The following FUT8 variants were observed in gnomAD, a reference collection of about 807,000 sequenced individuals.
FUT8 encodes fucosyltransferase 8, also known as alpha-(1,6)-fucosyltransferase.
Under a neutral mutation model 71.3 loss-of-function variants are expected in FUT8, and 29 were observed. The ratio of observed to expected loss-of-function variants is 0.41; its 90% CI spans 0.30 to 0.55. The LOEUF (loss-of-function observed/expected upper bound fraction) is 0.55. Ranked by LOEUF, FUT8 falls within the 20% of genes least tolerant of loss-of-function variation. The pLI, the probability that FUT8 is intolerant of heterozygous loss-of-function variation, is 0.34. For missense variants in FUT8, 544 were observed against 702.1 expected, an observed-to-expected ratio of 0.77 and a Z score of 2.55; for synonymous variants, 254 against 239.3, an observed-to-expected ratio of 1.06 and a Z score of -0.57.
At chr14:65,724,554 C>T (rs187552159) in intron 9 of FUT8, among the ~76,000 whole-genome samples, 90 of 152,270 alleles carry the variant, frequency 5.9e-4, no homozygotes, top group Admixed American at 3.3e-3. Flanking sequence ...CACTGACTTA[C>T]GCATTGTCAC....
rs2066163721 is a variant in FUT8, at chr14:65,472,539, G to T, written c.-228+16821G>T. 4.0e-5 allele frequency among the ~76,000 whole-genome samples: 6 copies of T among 150,878 alleles called. No individual in the cohort carries two copies. Among genetic ancestry groups the T allele is most frequent in the Admixed American group, 4.0e-4 (6 of 15,140 alleles). On this transcript the variant is annotated intron_variant, in intron 2 of 10. Coordinates refer to ENST00000673929, the MANE Select transcript of FUT8 (RefSeq NM_001371533.1). This position sits in a 1 kb window ranked among gnomAD's most constrained non-coding sequence, Gnocchi z 4.4. ...TTGTTTTCTATGTTGATGGCCAAAG[G>T]TTTATTTTTATATTCTTATACTGTA...
intron 7 of FUT8, among the ~76,000 whole-genome samples, chr14:65,681,872 T>TA (rs1221699228): frequency 2.0e-5 from 3 of 152,182 alleles, no homozygotes; most frequent in Admixed American, 6.5e-5. Context: ...CAGCCGCTGA[T>TA]ACAGAAACCC....
At chr14:65,421,942 T>C (rs2065303705) in intron 1 of FUT8, among the ~76,000 whole-genome samples, 1 of 152,104 alleles carries the variant, frequency 6.6e-6, no homozygotes, top group Non-Finnish European at 1.5e-5. Flanking sequence ...TTCCAGACTT[T>C]CAGGATGGTT....
chr14:65,372,761 T>C, the FUT8 span, among the ~76,000 whole-genome samples: 21 of 152,302 alleles, frequency 1.4e-4, no homozygotes, highest in Non-Finnish European at 2.6e-4. Flanking sequence ...CATGGAGCAA[T>C]TTTTCTCTTA....
chr14:65,453,539 T>C (rs989842006), intron 1 of FUT8, among the ~76,000 whole-genome samples: 1 of 152,172 alleles, frequency 6.6e-6, no homozygotes, highest in Non-Finnish European at 1.5e-5. Flanking sequence ...TCATGGCTTG[T>C]TTTTAAGCTC....
At chr14:65,735,785 T>G (rs1896188982) in intron 10 of FUT8, among the ~76,000 whole-genome samples, 1 of 152,198 alleles carries the variant, frequency 6.6e-6, no homozygotes, top group Non-Finnish European at 1.5e-5. Context: ...ATCTTTGAGC[T>G]TACTTGCACC....
chr14:65,480,909 C>T (rs985260093), intron 2 of FUT8, among the ~76,000 whole-genome samples: 5 of 151,944 alleles, frequency 3.3e-5, no homozygotes, highest in Admixed American at 6.6e-5. Context: ...AGGCTGGTCT[C>T]GAACTGCTAA....
chr14:65,588,432 C>T lies in FUT8; in HGVS notation c.203+26666C>T, dbSNP rs56401246. On this transcript the variant is annotated intron_variant, in intron 3 of 10. Transcript: ENST00000673929. Reference sequence around the variant, plus strand: ...GGTCTAAACTCTCATACCAAATTATCGCTGTTATTACATGTGCTGCAATTT... The same window carrying T: ...GGTCTAAACTCTCATACCAAATTATTGCTGTTATTACATGTGCTGCAATTT... Among the ~76,000 whole-genome samples, 830 of 152,282 alleles carry T rather than the reference C, an allele frequency of 5.5e-3. 5 individuals carry two copies. The highest frequency in any genetic ancestry group is 0.019 in the African/African-American group (786 of 41,552).
the FUT8 span, among the ~76,000 whole-genome samples, chr14:65,375,036 A>G: frequency 6.6e-6 from 1 of 152,174 alleles, no homozygotes; most frequent in Non-Finnish European, 1.5e-5. Flanking sequence ...GGCTTATAAA[A>G]GTTCTTGAGT....
intron 1 of FUT8, among the ~76,000 whole-genome samples, chr14:65,433,309 G>A (rs2065504469): frequency 6.6e-6 from 1 of 152,098 alleles, no homozygotes; most frequent in African/African-American, 2.4e-5. Flanking sequence ...AGGTGGCAGA[G>A]GAAGTTCTAG....
chr14:65,383,265 CTTTTTTTTTTTTTTTTT>C, the FUT8 span, among the ~76,000 whole-genome samples: 12 of 86,516 alleles, frequency 1.4e-4, no homozygotes, highest in African/African-American at 4.1e-4. Context: ...TTTTTCTTTT[CTTTTTTTTTTTTTTTTT>C]TTTTTTTTTT....
At chr14:65,426,094 G>A (rs980591851) in intron 1 of FUT8, among the ~76,000 whole-genome samples, 3 of 151,928 alleles carry the variant, frequency 2.0e-5, no homozygotes. Context: ...ATAACCCTTT[G>A]GCCAACATCT....
At chr14:65,597,894 C>T (rs1331530125) in intron 3 of FUT8, among the ~76,000 whole-genome samples, 1 of 151,202 alleles carries the variant, frequency 6.6e-6, no homozygotes, top group Non-Finnish European at 1.5e-5. Flanking sequence ...GTTGGCCAGG[C>T]GTGGTGGCTC....
At chr14:65,386,243 C>T in the FUT8 span, among the ~76,000 whole-genome samples, 1,877 of 151,702 alleles carry the variant, frequency 0.012, 16 homozygotes, top group South Asian at 0.024. Context: ...GGAAGTGGAA[C>T]TTGCAGTGAG....
rs1383234728 is a variant in FUT8 at position 65,425,753 on chromosome 14, G to A, written c.-326+12539G>A. Among the ~76,000 whole-genome samples, 9 of 152,034 alleles carry A rather than the reference G, an allele frequency of 5.9e-5. No individual in the cohort carries two copies. The South Asian group carries it at 1.7e-3, about 28-fold the overall frequency. The stretch of plus-strand genomic sequence containing the variant: ...AACACTTTGGGAGGTTGAGGCAGGC[G>A]GATCATGAGGTCAGGAGTTTGAGAC... On this transcript the variant is annotated intron_variant, in intron 1 of 10. Coordinates refer to ENST00000673929, the MANE Select transcript of FUT8 (RefSeq NM_001371533.1).
intron 2 of FUT8, among the ~76,000 whole-genome samples, chr14:65,523,209 G>A (rs1240666986): frequency 3.4e-4 from 52 of 152,044 alleles, no homozygotes; most frequent in African/African-American, 1.0e-3. Context: ...AAGTGTTCCT[G>A]TTTCTCCACA....
intron 1 of FUT8, among the ~76,000 whole-genome samples, chr14:65,428,182 TCTTAA>T (rs1252791486): frequency 6.6e-6 from 1 of 152,320 alleles, no homozygotes; most frequent in African/African-American, 2.4e-5. Context: ...ACTGACCTTT[TCTTAA>T]AAGGTACATT....
intron 7 of FUT8, among the ~76,000 whole-genome samples, chr14:65,698,795 C>T (rs1480033993): frequency 6.6e-6 from 1 of 152,062 alleles, no homozygotes; most frequent in African/African-American, 2.4e-5. Flanking sequence ...TATTCAATTA[C>T]GCATTTATTT....
intron 3 of FUT8, among the ~76,000 whole-genome samples, chr14:65,581,570 C>T (rs980407237): frequency 6.6e-6 from 1 of 152,046 alleles, no homozygotes; most frequent in Non-Finnish European, 1.5e-5. Flanking sequence ...TTAGTCACAG[C>T]AAGAGCCTTG....
Sources: gnomAD v4.1 joint callset for allele counts (sites outside exome capture counted in the v4.1 genomes callset) on GRCh38, gnomAD v4.1.1 for gene constraint, Gnocchi (gnomAD v3.1) non-coding constraint, MANE v1.5 for transcripts, NCBI Gene and HGNC (gene_info 2026-07-23, HGNC 2026-07-21) for gene names.